The following FAM81A variants were observed in gnomAD, a reference collection of about 807,000 sequenced individuals.
FAM81A encodes the protein protein FAM81A.
A neutral mutation model predicts 46.7 loss-of-function variants in FAM81A; 19 were observed. That is an observed-to-expected ratio of 0.41 (90% confidence interval 0.28 to 0.60). The LOEUF is 0.60. Ranked by LOEUF, FAM81A falls within the 20% of genes least tolerant of loss-of-function variation. The pLI, the probability that FAM81A is intolerant of heterozygous loss-of-function variation, is 0.34. For missense variants in FAM81A, 377 were observed against 453.5 expected (o/e 0.83, Z 1.53); for synonymous variants, 183 against 152.9 (o/e 1.20, Z -1.45).
rs1226576739 is a variant in FAM81A at position 59,521,349 on chromosome 15, C to G, written c.1078C>G (p.Leu360Val). The G allele has an allele frequency of 3.7e-6, 6 of 1,612,660 alleles. No homozygotes were observed. The highest frequency in any genetic ancestry group is 3.3e-5 in the South Asian group (3 of 90,892). Residue 360 changes from leucine to valine, a missense_variant, in exon 9 of 9, where the codon CTG (leucine) becomes GTG (valine). Physicochemically the swap from Leu to Val is conservative, Grantham distance 32. Coordinates refer to ENST00000288228, the MANE Select transcript of FAM81A (RefSeq NM_152450.3). ...DRDQLQKQIQ[L>V]MQKPETPM The stretch of plus-strand genomic sequence containing the variant: ...GGACCAGCTACAGAAGCAAATCCAG[C>G]TGATGCAGAAGCCAGAGACCCCCAT...
intron 6 of FAM81A, among the ~76,000 whole-genome samples, chr15:59,510,182 A>G (rs1247040231): frequency 6.6e-6 from 1 of 152,122 alleles, no homozygotes; most frequent in East Asian, 1.9e-4. Context: ...CCTGGCTAAC[A>G]TGGTGAAACC....
intron 3 of FAM81A, among the ~76,000 whole-genome samples, chr15:59,478,805 C>G (rs1428327765): frequency 6.6e-6 from 1 of 152,202 alleles, no homozygotes; most frequent in Non-Finnish European, 1.5e-5. Flanking sequence ...GGTGTCTGCT[C>G]TGTCTCCAGT....
At chr15:59,447,977 C>A (rs1432242881) in intron 1 of FAM81A, among the ~76,000 whole-genome samples, 1 of 152,138 alleles carries the variant, frequency 6.6e-6, no homozygotes, top group East Asian at 1.9e-4. Flanking sequence ...TTTGCTGGCC[C>A]ATGGTCAAGC....
intron 3 of FAM81A, among the ~76,000 whole-genome samples, chr15:59,472,613 T>A (rs2081709460): frequency 6.6e-6 from 1 of 151,816 alleles, no homozygotes; most frequent in Admixed American, 6.6e-5. Context: ...TGCAGTGGTA[T>A]GATCATAGCT....
chr15:59,456,268 A>C (rs2081482261), intron 1 of FAM81A, among the ~76,000 whole-genome samples: 1 of 148,266 alleles, frequency 6.7e-6, no homozygotes, highest in Non-Finnish European at 1.5e-5. Flanking sequence ...ATATCCAAGG[A>C]CGGTGGTGGA....
chr15:59,479,560 G>C (rs947945052), intron 3 of FAM81A, among the ~76,000 whole-genome samples: 2 of 149,418 alleles, frequency 1.3e-5, no homozygotes, highest in Non-Finnish European at 1.5e-5. Context: ...AAGGGAATAA[G>C]GTGACGTGTG....
chr15:59,459,543 C>T (rs2081525010), intron 2 of FAM81A, among the ~76,000 whole-genome samples: 2 of 152,080 alleles, frequency 1.3e-5, no homozygotes, highest in South Asian at 2.1e-4. Flanking sequence ...TCATTTATGT[C>T]GCCTGCCTGA....
intron 1 of FAM81A, among the ~76,000 whole-genome samples, chr15:59,458,105 G>T (rs1231723325): frequency 6.6e-6 from 1 of 152,148 alleles, no homozygotes. Flanking sequence ...AGAAATAAGT[G>T]CTCTTCATTT....
chr15:59,459,659 T>C (rs557959661), intron 2 of FAM81A, among the ~76,000 whole-genome samples: 11 of 152,226 alleles, frequency 7.2e-5, no homozygotes, highest in South Asian at 2.1e-4. Flanking sequence ...ATAGATTATA[T>C]TGGGGAGACA....
intron 1 of FAM81A, chr15:59,401,471 C>T (rs553179246): frequency 1.1e-4 from 84 of 775,900 alleles, no homozygotes; most frequent in South Asian, 8.9e-4. Context: ...TTTCTTGAAA[C>T]GCAAGCCCAT....
At chr15:59,456,806 C>T (rs1387239785) in intron 1 of FAM81A, among the ~76,000 whole-genome samples, 3 of 152,126 alleles carry the variant, frequency 2.0e-5, no homozygotes, top group Non-Finnish European at 2.9e-5. Flanking sequence ...AAATTCTGGG[C>T]TTGAACTCCT....
chr15:59,483,747 A>T (rs1257559771), intron 3 of FAM81A, among the ~76,000 whole-genome samples: 1 of 152,176 alleles, frequency 6.6e-6, no homozygotes, highest in African/African-American at 2.4e-5. Flanking sequence ...TCTGTTCCCA[A>T]TCCAGGTGCT....
intron 3 of FAM81A, among the ~76,000 whole-genome samples, chr15:59,464,026 T>TCAAC (rs2081583812): frequency 6.6e-6 from 1 of 152,176 alleles, no homozygotes; most frequent in South Asian, 2.1e-4. Flanking sequence ...TTCTTTGAGA[T>TCAAC]CAACTTTTTT....
chr15:59,464,153 C>T (rs2081585456), intron 3 of FAM81A, among the ~76,000 whole-genome samples: 1 of 152,042 alleles, frequency 6.6e-6, no homozygotes, highest in Admixed American at 6.5e-5. Flanking sequence ...GAATTTTGTT[C>T]TTTTTTATGG....
chr15:59,486,722 G>A (rs1381075922), intron 3 of FAM81A, among the ~76,000 whole-genome samples: 1 of 152,098 alleles, frequency 6.6e-6, no homozygotes, highest in Non-Finnish European at 1.5e-5. Flanking sequence ...CTTGTGGCAT[G>A]ACGTCTTTAA....
intron 8 of FAM81A, among the ~76,000 whole-genome samples, chr15:59,518,524 G>A (rs1332986482): frequency 6.6e-6 from 1 of 151,934 alleles, no homozygotes; most frequent in African/African-American, 2.4e-5. Context: ...TGGGTCCTCA[G>A]TATGTTGCCC....
intron 2 of FAM81A, among the ~76,000 whole-genome samples, chr15:59,431,721 C>T (rs187862967): frequency 6.6e-6 from 1 of 152,286 alleles, no homozygotes; most frequent in East Asian, 1.9e-4. Flanking sequence ...AAATAACTTG[C>T]CCAAGCACAT....
intron 2 of FAM81A, among the ~76,000 whole-genome samples, chr15:59,418,988 T>C (rs572840738): frequency 1.8e-4 from 28 of 152,288 alleles, no homozygotes; most frequent in African/African-American, 6.5e-4. Context: ...AGAAAAAAAA[T>C]GTCTTAGGCA....
At chr15:59,509,076 C>A in intron 6 of FAM81A, 107 bp downstream of exon 6, 2 of 827,772 alleles carry the variant, frequency 2.4e-6, no homozygotes, top group South Asian at 2.0e-5. Flanking sequence ...AAATTGAAAA[C>A]AATAATGGAA....
Sources: gnomAD v4.1 joint callset for allele counts (sites outside exome capture counted in the v4.1 genomes callset) on GRCh38, gnomAD v4.1.1 for gene constraint, MANE v1.5 for transcripts, NCBI Gene and HGNC (gene_info 2026-07-23, HGNC 2026-07-21) for gene names.